ENPP6: variants seen among roughly 807,000 people sequenced by gnomAD.
ENPP6 encodes the protein glycerophosphocholine cholinephosphodiesterase ENPP6.
In ENPP6, 32 loss-of-function variants were observed where a neutral mutation model predicts 42.0. That is an observed-to-expected ratio of 0.76 (90% CI 0.58 to 1.02). ENPP6 has a LOEUF of 1.02. ENPP6 is among the 50% of genes least tolerant of loss of function. The pLI is 0.00. For synonymous variants in ENPP6, 213 were observed against 216.0 expected (o/e 0.99, Z 0.12); for missense variants, 552 against 566.8 (o/e 0.97, Z 0.27).
chr4:184,206,369 T>C (rs1732998558), intron 1 of ENPP6, among the ~76,000 whole-genome samples: 1 of 111,114 alleles, frequency 9.0e-6, no homozygotes, highest in African/African-American at 3.6e-5. Flanking sequence ...GCCATTCTCC[T>C]GCCTCAGCCT....
At chr4:184,132,410 A>C (rs1049743288) in intron 2 of ENPP6, among the ~76,000 whole-genome samples, 7 of 148,140 alleles carry the variant, frequency 4.7e-5, no homozygotes, top group Non-Finnish European at 7.4e-5. Context: ...TTTCCTTTTT[A>C]TTTATAGGAA....
At position 184,095,529 on chromosome 4, in the gene ENPP6, G is replaced by C. The variant is rs141675516; in HGVS notation, c.1117+1716C>G. Reference sequence around the variant, plus strand: ...ATAAAAATTAGCCAGGCGTGGTGGTGGGCTCCAGGAATCCCAGCTATTGAG... The same window carrying C: ...ATAAAAATTAGCCAGGCGTGGTGGTCGGCTCCAGGAATCCCAGCTATTGAG... On this transcript the variant is annotated intron_variant, in intron 7 of 7. Transcript: ENST00000296741. Among the ~76,000 whole-genome samples the C allele has an allele frequency of 3.6e-3, 554 of 151,908 alleles. 5 individuals are homozygous for C. Among genetic ancestry groups the C allele is most frequent in the African/African-American group, 0.013 (521 of 41,426 alleles).
intron 1 of ENPP6, among the ~76,000 whole-genome samples, chr4:184,162,557 A>G (rs1560997397): frequency 2.4e-4 from 17 of 71,206 alleles, no homozygotes; most frequent in Admixed American, 4.4e-4. Flanking sequence ...AGAAGGAAGG[A>G]AAGAAGGAAG....
chr4:184,127,820 A>C (rs138502473), intron 2 of ENPP6, among the ~76,000 whole-genome samples: 1 of 152,338 alleles, frequency 6.6e-6, no homozygotes, highest in East Asian at 1.9e-4. Flanking sequence ...ATGTGAAAAT[A>C]TTTTATGGAA....
chr4:184,217,072 T>A (rs1182580088), intron 1 of ENPP6: 1 of 152,174 alleles, frequency 6.6e-6, no homozygotes, highest in Admixed American at 6.5e-5. Context: ...GACCTAAACA[T>A]CCCCCCTTCC....
chr4:184,201,854 T>C (rs1732909827), intron 1 of ENPP6, among the ~76,000 whole-genome samples: 1 of 152,190 alleles, frequency 6.6e-6, no homozygotes. Flanking sequence ...TCGAGGCTCA[T>C]TACAGAGAGT....
rs1375919367 is a variant in ENPP6 at position 184,122,506 on chromosome 4, C to T, written c.533+1655G>A. Among the ~76,000 whole-genome samples, 14 of 149,830 alleles carry T rather than the reference C, an allele frequency of 9.3e-5. 1 individual carries two copies. In the Admixed American group the frequency reaches 9.4e-4, roughly 10 times the overall value. Reference sequence around the variant, plus strand: ...ATTTCTATAGCTTCTCTAGAGGAAACAGAGCCCAGCACTTATTCCCCGCTG... The same window carrying T: ...ATTTCTATAGCTTCTCTAGAGGAAATAGAGCCCAGCACTTATTCCCCGCTG... On this transcript the variant is annotated intron_variant, in intron 3 of 7. Coordinates refer to ENST00000296741, the MANE Select transcript of ENPP6 (RefSeq NM_153343.4).
chr4:184,210,203 A>G (rs1221174648), intron 1 of ENPP6, among the ~76,000 whole-genome samples: 53 of 149,172 alleles, frequency 3.6e-4, no homozygotes, highest in African/African-American at 1.2e-3. Flanking sequence ...ACCAGCTAAC[A>G]TCATAATGAC....
intron 1 of ENPP6, among the ~76,000 whole-genome samples, chr4:184,199,663 T>C (rs1732860618): frequency 6.6e-6 from 1 of 152,204 alleles, no homozygotes; most frequent in Non-Finnish European, 1.5e-5. Context: ...ACAGGACTTC[T>C]GTCTGCTGCC....
At chr4:184,113,892 T>C (rs1200468672) in intron 5 of ENPP6, among the ~76,000 whole-genome samples, 1 of 149,804 alleles carries the variant, frequency 6.7e-6, no homozygotes, top group African/African-American at 2.5e-5. Flanking sequence ...TTTCCTTCCT[T>C]TCTTTCTTTT....
At chr4:184,168,361 T>G (rs1189514239) in intron 1 of ENPP6, among the ~76,000 whole-genome samples, 1 of 152,166 alleles carries the variant, frequency 6.6e-6, no homozygotes, top group Non-Finnish European at 1.5e-5. Flanking sequence ...AAAATCCTCT[T>G]CTAGGGAGGG....
At chr4:184,114,552 G>T (rs1463810449) in intron 5 of ENPP6, among the ~76,000 whole-genome samples, 2 of 152,096 alleles carry the variant, frequency 1.3e-5, no homozygotes, top group Non-Finnish European at 2.9e-5. Flanking sequence ...ACACACAGCA[G>T]GTCTCACAAA....
chr4:184,149,842 T>C (rs1736993335), intron 2 of ENPP6, among the ~76,000 whole-genome samples: 1 of 152,138 alleles, frequency 6.6e-6, no homozygotes, highest in Admixed American at 6.5e-5. Context: ...CAAGCTGCAT[T>C]TCTACACCAT....
chr4:184,097,371 G>A lies in ENPP6; in HGVS notation c.994-3C>T. 1 of 1,614,026 alleles carries A rather than the reference G, an allele frequency of 6.2e-7. No homozygotes were observed. The highest frequency in any genetic ancestry group is 8.5e-7 in the Non-Finnish European group (1 of 1,179,996). ...CAAAACGGAAGCATCTCTCGATTCTGAAACCAAGCAAGGCAGACACATGAC... is the reference window on the plus strand; with the variant it reads ...CAAAACGGAAGCATCTCTCGATTCTAAAACCAAGCAAGGCAGACACATGAC... On this transcript the variant is annotated splice_polypyrimidine_tract_variant and splice_region_variant and intron_variant, in intron 6 of 7. Transcript: ENST00000296741.
At position 184,090,948 on chromosome 4, in the gene ENPP6, C is replaced by A. The variant is rs10024098; in HGVS notation, c.*229G>T. On this transcript the variant is annotated 3_prime_UTR_variant, in exon 8 of 8. Transcript: ENST00000296741. Reference sequence around the variant, plus strand: ...GAAAGGAGAAAATGACATATAACTGCACAAATGGAAAGCTAGGATTTTCCT... The same window carrying A: ...GAAAGGAGAAAATGACATATAACTGAACAAATGGAAAGCTAGGATTTTCCT... 25,522 of 474,248 alleles carry A rather than the reference C, an allele frequency of 0.054. 2,349 individuals carry two copies. Among genetic ancestry groups the A allele is most frequent in the African/African-American group, 0.29 (14,549 of 49,970 alleles). The allele number at this position is 474,248 out of a possible 1,614,324, so 29.4% of individuals were successfully genotyped here.
chr4:184,116,280 A>G (rs1249192938), intron 5 of ENPP6, among the ~76,000 whole-genome samples: 1 of 152,176 alleles, frequency 6.6e-6, no homozygotes, highest in Non-Finnish European at 1.5e-5. Flanking sequence ...CCTTGATCTC[A>G]TTTAATTCTC....
chr4:184,137,185 C>T (rs144196779), intron 2 of ENPP6, among the ~76,000 whole-genome samples: 1,552 of 152,344 alleles, frequency 0.01, 22 homozygotes, highest in South Asian at 0.04. Context: ...CAACCTCCGC[C>T]TTCCAGGTTC....
intron 1 of ENPP6, among the ~76,000 whole-genome samples, chr4:184,191,883 C>T (rs185113748): frequency 2.0e-4 from 31 of 152,302 alleles, no homozygotes; most frequent in Middle Eastern, 3.4e-3. Flanking sequence ...ATTCCATTCA[C>T]ATTAACGTCA....
At chr4:184,213,157 G>A (rs1329569450) in intron 1 of ENPP6, among the ~76,000 whole-genome samples, 259 of 150,774 alleles carry the variant, frequency 1.7e-3, no homozygotes, top group African/African-American at 6.0e-3. Context: ...CCTAGGCATT[G>A]CCATTCAGGA....
Sources: allele counts gnomAD v4.1 joint callset (sites outside exome capture counted in the v4.1 genomes callset), GRCh38; gene constraint gnomAD v4.1.1; transcripts MANE v1.5; gene names NCBI Gene and HGNC (gene_info 2026-07-23, HGNC 2026-07-21).